PSMA1: variants seen among roughly 807,000 people sequenced by gnomAD.
The protein encoded by PSMA1 is proteasome subunit alpha type-1.
A neutral mutation model predicts 38.4 loss-of-function variants in PSMA1; 3 were observed. That is an observed-to-expected ratio of 0.08 (90% confidence interval 0.04 to 0.20). The LOEUF (loss-of-function observed/expected upper bound fraction) is 0.20. Ranked by LOEUF, PSMA1 falls within the 10% of genes least tolerant of loss-of-function variation. The pLI is 1.00. For missense variants in PSMA1, 227 were observed against 325.3 expected (o/e 0.70, Z 2.32); for synonymous variants, 101 against 107.1 (o/e 0.94, Z 0.35).
chr11:14,607,658 A>G (rs746867575), intron 2 of PSMA1, among the ~76,000 whole-genome samples: 4 of 152,128 alleles, frequency 2.6e-5, no homozygotes, highest in Admixed American at 6.5e-5. Context: ...GAAGGCAGGG[A>G]ATGCCTCCAA....
chr11:14,551,536 G>A (rs1245685682), intron 2 of PSMA1, among the ~76,000 whole-genome samples: 1 of 152,184 alleles, frequency 6.6e-6, no homozygotes, highest in African/African-American at 2.4e-5. Context: ...GTCCCAGCCA[G>A]CCAAATGCCT....
chr11:14,626,776 T>A (rs926036771), intron 1 of PSMA1, among the ~76,000 whole-genome samples: 6 of 152,244 alleles, frequency 3.9e-5, no homozygotes, highest in Admixed American at 3.3e-4. Context: ...CGATGATAAT[T>A]AGGGATCTTT....
intron 2 of PSMA1, among the ~76,000 whole-genome samples, chr11:14,585,698 C>A (rs1397783091): frequency 6.6e-6 from 1 of 152,214 alleles, no homozygotes; most frequent in Admixed American, 6.5e-5. Flanking sequence ...ATTCGCCCCT[C>A]CTACTTATCC....
chr11:14,578,629 G>A (rs374339167), intron 2 of PSMA1, among the ~76,000 whole-genome samples: 21 of 152,334 alleles, frequency 1.4e-4, no homozygotes, highest in African/African-American at 4.8e-4. Flanking sequence ...ATGGGTCCAG[G>A]GGAAAAGCAG....
chr11:14,584,147 G>A lies in PSMA1; in HGVS notation c.21+26819C>T, dbSNP rs181985479. Among the ~76,000 whole-genome samples the A allele has an allele frequency of 2.0e-4, 31 of 152,338 alleles. No individual in the cohort carries two copies. In the East Asian group the frequency reaches 5.6e-3, roughly 27 times the overall value. ...TACCTTACAACTCCAAAATAAGGGA[G>A]AAAGGAAAATCACTGTCATACCAGC... is the stretch of plus-strand genomic sequence containing the variant. On this transcript the variant is annotated intron_variant, in intron 2 of 10. Transcript: ENST00000418988.
At chr11:14,579,858 C>T (rs1589998358) in intron 2 of PSMA1, among the ~76,000 whole-genome samples, 1 of 152,174 alleles carries the variant, frequency 6.6e-6, no homozygotes, top group Non-Finnish European at 1.5e-5. Flanking sequence ...CTACAAGCTA[C>T]ACACCCACAT....
chr11:14,527,725 G>A (rs1395638123), intron 2 of PSMA1, among the ~76,000 whole-genome samples: 2 of 152,118 alleles, frequency 1.3e-5, no homozygotes, highest in Non-Finnish European at 2.9e-5. Flanking sequence ...GGCCACCGCG[G>A]TCATTTCATC....
upstream of PSMA1, among the ~76,000 whole-genome samples, chr11:14,524,679 C>A (rs562664446): frequency 2.0e-5 from 3 of 152,176 alleles, no homozygotes; most frequent in Admixed American, 6.5e-5. Context: ...TCTCTTCACA[C>A]GGACACGTAA....
chr11:14,642,144 C>T (rs1260119744), intron 1 of PSMA1, among the ~76,000 whole-genome samples: 1 of 152,144 alleles, frequency 6.6e-6, no homozygotes, highest in Non-Finnish European at 1.5e-5. Context: ...TGAATTTGTT[C>T]TAATTTTCAA....
chr11:14,533,575 CTTTTCTTTTCT>C, intron 2 of PSMA1, among the ~76,000 whole-genome samples: 1 of 106,888 alleles, frequency 9.4e-6, no homozygotes, highest in African/African-American at 3.6e-5. Context: ...TTTCTTTTTT[CTTTTCTTTTCT>C]TTTTTTTTTT....
intron 1 of PSMA1, chr11:14,643,428 G>A (rs1853247376): frequency 6.6e-6 from 1 of 152,116 alleles, no homozygotes; most frequent in South Asian, 2.1e-4. Flanking sequence ...TGACCTGTGG[G>A]ATTCTGGCTG....
intron 2 of PSMA1, among the ~76,000 whole-genome samples, chr11:14,560,739 G>A (rs1458225020): frequency 2.0e-5 from 3 of 152,164 alleles, no homozygotes; most frequent in Non-Finnish European, 1.5e-5. Flanking sequence ...GATTTAGAGT[G>A]TATGCTGCAT....
chr11:14,512,265 T>C (rs917569833), intron 7 of PSMA1, among the ~76,000 whole-genome samples: 2 of 151,720 alleles, frequency 1.3e-5, no homozygotes, highest in Non-Finnish European at 2.9e-5. Context: ...TCCCAGCTAC[T>C]CAGGAGGCTG....
chr11:14,627,831 C>G (rs117640053), intron 1 of PSMA1, among the ~76,000 whole-genome samples: 1 of 152,192 alleles, frequency 6.6e-6, no homozygotes, highest in African/African-American at 2.4e-5. Flanking sequence ...ATGCCATCCT[C>G]TCTTATATCT....
intron 1 of PSMA1, among the ~76,000 whole-genome samples, chr11:14,626,912 A>G (rs761802884): frequency 3.3e-5 from 5 of 152,160 alleles, no homozygotes; most frequent in Admixed American, 6.5e-5. Context: ...TAGCTTAAAC[A>G]ACAGAACTTT....
chr11:14,558,311 A>C, intron 2 of PSMA1, among the ~76,000 whole-genome samples: 1 of 151,746 alleles, frequency 6.6e-6, no homozygotes, highest in Non-Finnish European at 1.5e-5. Context: ...CCCAGCTGCT[A>C]GAAAGGCTGA....
At chr11:14,557,187 T>C (rs976564218) in intron 2 of PSMA1, among the ~76,000 whole-genome samples, 4 of 152,198 alleles carry the variant, frequency 2.6e-5, no homozygotes, top group Non-Finnish European at 5.9e-5. Context: ...ACTGACTTTC[T>C]AGGTTTCTTA....
In PSMA1 at chr11:14,587,485, G is replaced by A. The variant is rs1438301560; in HGVS notation, c.21+23481C>T. On this transcript the variant is annotated intron_variant, in intron 2 of 10. Transcript: ENST00000418988. ...AATAACTTCCCAATTTTGCTAATCT[G>A]TGAATTACTTCACCATTCCCTTTTC... Among the ~76,000 whole-genome samples the A allele has an allele frequency of 2.6e-5, 4 of 152,122 alleles. No homozygotes were observed. In the East Asian group the frequency reaches 7.7e-4, roughly 29 times the overall value.
chr11:14,601,652 T>C lies in PSMA1; in HGVS notation c.21+9314A>G, dbSNP rs1253128619. Reference sequence around the variant, plus strand: ...CACTTTGGGGAAAATCAGGATGTCATGGGCTTCAGAATCAGAGTTTAAAAG... The same window carrying C: ...CACTTTGGGGAAAATCAGGATGTCACGGGCTTCAGAATCAGAGTTTAAAAG... On this transcript the variant is annotated intron_variant, in intron 2 of 10. Transcript: ENST00000418988. 3.3e-5 allele frequency among the ~76,000 whole-genome samples: 5 copies of C among 152,188 alleles called. No homozygotes were observed. The East Asian group carries it at 9.6e-4, about 29-fold the overall frequency.
Sources: allele counts gnomAD v4.1 joint callset (sites outside exome capture counted in the v4.1 genomes callset), GRCh38; gene constraint gnomAD v4.1.1; transcripts MANE v1.5; gene names NCBI Gene and HGNC (gene_info 2026-07-23, HGNC 2026-07-21).